The following PELI2 variants were observed in gnomAD, a reference collection of about 807,000 sequenced individuals.
The protein encoded by PELI2 is E3 ubiquitin-protein ligase pellino homolog 2.
In PELI2, 23 loss-of-function variants were observed where a neutral mutation model predicts 42.3. The observed-to-expected ratio is 0.54, with a 90% CI of 0.39 to 0.77. The LOEUF (loss-of-function observed/expected upper bound fraction) is 0.77, where lower values mean the gene tolerates loss of function less well. Among genes scored for constraint, PELI2 ranks in the 30% least tolerant of loss-of-function variants. The pLI is 0.00. For missense variants in PELI2, 463 were observed against 553.2 expected, an observed-to-expected ratio of 0.84 and a Z score of 1.64; for synonymous variants, 245 against 212.2, an observed-to-expected ratio of 1.15 and a Z score of -1.34.
At chr14:56,206,032 G>A (rs1566636741) in intron 2 of PELI2, among the ~76,000 whole-genome samples, 1 of 152,136 alleles carries the variant, frequency 6.6e-6, no homozygotes, top group African/African-American at 2.4e-5. Flanking sequence ...TTTCAAACCG[G>A]CGCTCCCAGG....
At chr14:56,282,061 AC>A (rs764736742) in intron 3 of PELI2, among the ~76,000 whole-genome samples, 17 of 152,154 alleles carry the variant, frequency 1.1e-4, no homozygotes, top group Non-Finnish European at 2.5e-4. Context: ...CTAGAGACTT[AC>A]CCCAGAGATA....
intron 2 of PELI2, among the ~76,000 whole-genome samples, chr14:56,217,366 T>C (rs1174010050): frequency 6.6e-6 from 1 of 152,210 alleles, no homozygotes; most frequent in Admixed American, 6.5e-5. Context: ...CAGAAGAGGA[T>C]TATAGTGTCT....
At chr14:56,294,145 C>T (rs986737471) in intron 5 of PELI2, among the ~76,000 whole-genome samples, 2 of 152,174 alleles carry the variant, frequency 1.3e-5, no homozygotes, top group Non-Finnish European at 2.9e-5. Context: ...TTGTTGGGAC[C>T]TTAACTTTTT....
Position 56,296,878 on chromosome 14 carries a change from G to A in PELI2, c.975G>A (p.Arg325=), listed in dbSNP as rs145113247. 284 of 1,614,164 alleles carry A rather than the reference G, an allele frequency of 1.8e-4. 1 individual carries two copies. The African/African-American group carries it at 3.4e-3, about 19-fold the overall frequency. ...HVHGYHNWGH[R]SDTEANEREC... ...ACGGGTACCACAACTGGGGCCATCG[G>A]AGTGACACGGAGGCCAACGAGAGGG... The change falls in exon 6 of 6, where the codon CGG becomes CGA. Residue 325 remains arginine (R), a synonymous_variant. Transcript: ENST00000267460.
At chr14:56,156,259 TC>T (rs1030562306) in intron 1 of PELI2, among the ~76,000 whole-genome samples, 44 of 152,284 alleles carry the variant, frequency 2.9e-4, no homozygotes, top group African/African-American at 1.0e-3. Flanking sequence ...TATTGCAAAT[TC>T]CAAAATGTGT....
At chr14:56,151,617 G>A (rs557775775) in intron 1 of PELI2, among the ~76,000 whole-genome samples, 135 of 152,244 alleles carry the variant, frequency 8.9e-4, no homozygotes, top group African/African-American at 2.9e-3. Context: ...TACTTAACCC[G>A]TGCCTGAGGT....
chr14:56,218,203 C>T (rs148921666), intron 2 of PELI2, among the ~76,000 whole-genome samples: 137 of 152,336 alleles, frequency 9.0e-4, no homozygotes, highest in Non-Finnish European at 1.7e-3. Context: ...TGTGATCTAT[C>T]ATTGTTTTCT....
chr14:56,250,822 C>T (rs1888319150), intron 2 of PELI2, among the ~76,000 whole-genome samples: 1 of 152,226 alleles, frequency 6.6e-6, no homozygotes. Context: ...CAATACTTTG[C>T]ATCCTTCAGT....
chr14:56,118,617 A>AGGCGGCGGC lies in PELI2; in HGVS notation c.-42_-34dup. On this transcript the variant is annotated 5_prime_UTR_variant, in exon 1 of 6. Coordinates refer to ENST00000267460, the MANE Select transcript of PELI2 (RefSeq NM_021255.3). ...GCGGACTCGGCGGGGATCGCGGCGG[A>AGGCGGCGGC]GGCGGCGGCGTCGGCGGCGGCGTCG... 1 of 1,234,078 alleles carries AGGCGGCGGC rather than the reference A, an allele frequency of 8.1e-7. No individual in the cohort carries two copies. Among genetic ancestry groups the AGGCGGCGGC allele is most frequent in the Non-Finnish European group, 1.1e-6 (1 of 945,402 alleles). 76.4% of individuals were successfully genotyped at this position (1,234,078 alleles called of 1,614,324 possible).
intron 1 of PELI2, among the ~76,000 whole-genome samples, chr14:56,137,555 T>C (rs1883729585): frequency 6.6e-6 from 1 of 152,170 alleles, no homozygotes; most frequent in African/African-American, 2.4e-5. Flanking sequence ...ATCAGGCTCA[T>C]GCATATAGAA....
intron 2 of PELI2, among the ~76,000 whole-genome samples, chr14:56,224,715 T>C (rs1313850507): frequency 2.0e-5 from 3 of 152,220 alleles, no homozygotes; most frequent in Non-Finnish European, 4.4e-5. Context: ...TATATATACA[T>C]GGAAGGAAAT....
chr14:56,174,738 C>T (rs937415223), intron 1 of PELI2, among the ~76,000 whole-genome samples: 5 of 152,192 alleles, frequency 3.3e-5, no homozygotes, highest in African/African-American at 4.8e-5. Flanking sequence ...GCTTCCCAGT[C>T]GAGCTTCTTG....
intron 2 of PELI2, among the ~76,000 whole-genome samples, chr14:56,262,411 T>C (rs973621932): frequency 6.6e-6 from 1 of 152,238 alleles, no homozygotes; most frequent in African/African-American, 2.4e-5. Context: ...TTCCTGTTGA[T>C]TGTTTTATTA....
chr14:56,209,522 T>C (rs1285750258), intron 2 of PELI2, among the ~76,000 whole-genome samples: 1 of 140,534 alleles, frequency 7.1e-6, no homozygotes, highest in East Asian at 2.0e-4. Flanking sequence ...TTTTGGAAAA[T>C]AGGTTTTTTT....
intron 2 of PELI2, among the ~76,000 whole-genome samples, chr14:56,189,939 C>T (rs535731266): frequency 3.9e-5 from 6 of 152,182 alleles, no homozygotes; most frequent in Non-Finnish European, 1.5e-5. Context: ...AATGTACTTA[C>T]CAATTACAAC....
At chr14:56,296,464 C>A (rs904521875) in intron 5 of PELI2, 136 bp from the exon 6 acceptor site, 2 of 617,698 alleles carry the variant, frequency 3.2e-6, no homozygotes, top group Non-Finnish European at 5.7e-6. Flanking sequence ...GTTACTCCCC[C>A]AGTTCTGTTT....
intron 1 of PELI2, among the ~76,000 whole-genome samples, chr14:56,163,979 A>G (rs1427837860): frequency 2.0e-5 from 3 of 152,176 alleles, no homozygotes; most frequent in Non-Finnish European, 4.4e-5. Flanking sequence ...TTTTCCAAAT[A>G]TAAGATTATA....
chr14:56,175,239 A>G (rs1885329243), intron 1 of PELI2, among the ~76,000 whole-genome samples: 1 of 152,042 alleles, frequency 6.6e-6, no homozygotes, highest in Non-Finnish European at 1.5e-5. Context: ...CAAGCTGTCT[A>G]CCTGCCTCGG....
intron 2 of PELI2, among the ~76,000 whole-genome samples, chr14:56,264,885 A>G (rs77383473): frequency 0.015 from 2,210 of 152,250 alleles, 60 homozygotes; most frequent in African/African-American, 0.05. Flanking sequence ...TGACAACTTG[A>G]TAGAATATAA....
Sources: allele counts gnomAD v4.1 joint callset (sites outside exome capture counted in the v4.1 genomes callset), GRCh38; gene constraint gnomAD v4.1.1; transcripts MANE v1.5; gene names NCBI Gene and HGNC (gene_info 2026-07-23, HGNC 2026-07-21).